EPB41L2: variants seen among roughly 807,000 people sequenced by gnomAD.
The protein encoded by EPB41L2 is band 4.1-like protein 2.
Under a neutral mutation model 113.0 loss-of-function variants are expected in EPB41L2, and 43 were observed. The observed-to-expected ratio is 0.38, with a 90% confidence interval of 0.30 to 0.49. EPB41L2 has a LOEUF of 0.49. EPB41L2 is among the 20% of genes least tolerant of loss of function. The pLI is 0.95. For synonymous variants in EPB41L2, 442 were observed against 436.7 expected (o/e 1.01, Z -0.15); for missense variants, 1,147 against 1,223.4 (o/e 0.94, Z 0.93).
chr6:130,988,353 G>A (rs1781056790), intron 1 of EPB41L2, among the ~76,000 whole-genome samples: 2 of 152,156 alleles, frequency 1.3e-5, no homozygotes, highest in Non-Finnish European at 2.9e-5. Context: ...TAAATTCTTA[G>A]AAAAGATTAC....
intron 17 of EPB41L2, among the ~76,000 whole-genome samples, 193 bp downstream of exon 17, chr6:130,865,343 A>G (rs1176925265): frequency 1.3e-5 from 2 of 152,214 alleles, no homozygotes; most frequent in African/African-American, 4.8e-5. Context: ...TGTACTTCAC[A>G]AAATTGCAAT....
chr6:130,919,559 C>T (rs906394472), intron 4 of EPB41L2, among the ~76,000 whole-genome samples: 1 of 152,108 alleles, frequency 6.6e-6, no homozygotes, highest in Non-Finnish European at 1.5e-5. Flanking sequence ...TCATCCTTTG[C>T]CCCAGCCACG....
At chr6:130,979,940 T>C (rs1779010782) in intron 1 of EPB41L2, among the ~76,000 whole-genome samples, 1 of 152,096 alleles carries the variant, frequency 6.6e-6, no homozygotes, top group South Asian at 2.1e-4. Flanking sequence ...AGCAGTAGGA[T>C]AAATGCTCAT....
chr6:130,925,722 C>A (rs1804507741), intron 4 of EPB41L2, among the ~76,000 whole-genome samples: 1 of 152,080 alleles, frequency 6.6e-6, no homozygotes, highest in Non-Finnish European at 1.5e-5. Context: ...ATTATCAAGA[C>A]CACCTTATAA....
intron 1 of EPB41L2, among the ~76,000 whole-genome samples, chr6:131,006,464 C>T (rs1309439849): frequency 1.3e-5 from 2 of 151,658 alleles, no homozygotes; most frequent in South Asian, 2.1e-4. Flanking sequence ...GAGCTCGAGA[C>T]GAGCCTAGTC....
At chr6:130,865,683 T>C (rs768559866) in intron 16 of EPB41L2, 49 bp from the exon 17 acceptor site, 5 of 1,583,496 alleles carry the variant, frequency 3.2e-6, no homozygotes, top group East Asian at 2.2e-5. Context: ...ACTTCTGTTA[T>C]GTTGTCAGAG....
At chr6:131,008,283 G>T (rs1250755544) in intron 1 of EPB41L2, among the ~76,000 whole-genome samples, 1 of 152,256 alleles carries the variant, frequency 6.6e-6, no homozygotes, top group East Asian at 1.9e-4. Context: ...TGCTTCAGAG[G>T]TGCAAGCCCC....
chr6:130,924,662 G>A (rs1226431750), intron 4 of EPB41L2, among the ~76,000 whole-genome samples: 2 of 151,978 alleles, frequency 1.3e-5, no homozygotes, highest in African/African-American at 2.4e-5. Flanking sequence ...TTACAGGTGT[G>A]AGCCACCATG....
chr6:130,845,953 T>C (rs1284410848), intron 19 of EPB41L2, among the ~76,000 whole-genome samples: 1 of 152,204 alleles, frequency 6.6e-6, no homozygotes, highest in African/African-American at 2.4e-5. Context: ...CCTTTCTTAC[T>C]TGAGAGAATC....
chr6:130,876,878 C>A, intron 14 of EPB41L2: 1 of 503,616 alleles, frequency 2.0e-6, no homozygotes, highest in Non-Finnish European at 3.0e-6. Flanking sequence ...CAATGACACA[C>A]ACCAGGAGAA....
chr6:131,060,550 G>A (rs1798455480), intron 1 of EPB41L2, among the ~76,000 whole-genome samples: 1 of 152,170 alleles, frequency 6.6e-6, no homozygotes, highest in Admixed American at 6.5e-5. Flanking sequence ...CTTAGAACTA[G>A]TAATTTGGAA....
chr6:130,871,229 G>A (rs73632237), intron 14 of EPB41L2, among the ~76,000 whole-genome samples: 15 of 151,958 alleles, frequency 9.9e-5, no homozygotes, highest in Non-Finnish European at 1.8e-4. Context: ...TGTACAGAGG[G>A]GTTTTTAAAG....
intron 18 of EPB41L2, 129 bp downstream of exon 18, chr6:130,863,509 G>C (rs922917994): frequency 1.6e-6 from 1 of 633,342 alleles, no homozygotes; most frequent in Admixed American, 2.6e-5. Flanking sequence ...TTTATGTCCT[G>C]CTTAGGAGGT....
intron 14 of EPB41L2, among the ~76,000 whole-genome samples, chr6:130,873,465 G>GTT (rs146101399): frequency 0.017 from 2,433 of 146,076 alleles, 106 homozygotes; most frequent in East Asian, 0.052. Flanking sequence ...CCACTATTCA[G>GTT]GTTTTTTTTT....
At chr6:130,972,559 T>C (rs558525838) in intron 1 of EPB41L2, among the ~76,000 whole-genome samples, 8 of 151,622 alleles carry the variant, frequency 5.3e-5, no homozygotes, top group African/African-American at 1.2e-4. Context: ...TTTTTTTTTT[T>C]CCCAACACAC....
rs141803308 is a variant in EPB41L2 at position 130,863,092 on chromosome 6, T to G, written c.2910+546A>C. ...CATGCTGCCAAATTTAACATTAGAA[T>G]GGAGGCATGATTCTTTTAAAAAATT... On this transcript the variant is annotated intron_variant, in intron 18 of 19. Transcript: ENST00000337057. Among the ~76,000 whole-genome samples, 82 of 152,338 alleles carry G rather than the reference T, an allele frequency of 5.4e-4. 1 individual carries two copies. The East Asian group carries it at 0.012, about 22-fold the overall frequency.
chr6:130,858,707 G>C (rs1170173985), intron 18 of EPB41L2, among the ~76,000 whole-genome samples: 1 of 152,272 alleles, frequency 6.6e-6, no homozygotes, highest in Non-Finnish European at 1.5e-5. Context: ...GAAACTGCAA[G>C]GCAGAGGACC....
At chr6:130,879,531 G>C (rs538760247) in intron 13 of EPB41L2, among the ~76,000 whole-genome samples, 3 of 152,222 alleles carry the variant, frequency 2.0e-5, no homozygotes, top group African/African-American at 7.2e-5. Flanking sequence ...ACGTGACACG[G>C]GGAACATATT....
chr6:130,981,406 A>G (rs1007688341), intron 1 of EPB41L2, among the ~76,000 whole-genome samples: 1 of 152,184 alleles, frequency 6.6e-6, no homozygotes, highest in Non-Finnish European at 1.5e-5. Context: ...TGTAGCTCCT[A>G]TTCTCAAACT....
Sources: gnomAD v4.1 joint callset for allele counts (sites outside exome capture counted in the v4.1 genomes callset) on GRCh38, gnomAD v4.1.1 for gene constraint, MANE v1.5 for transcripts, NCBI Gene and HGNC (gene_info 2026-07-23, HGNC 2026-07-21) for gene names.